The following CYTH1 variants were observed in gnomAD, a reference collection of about 807,000 sequenced individuals.
CYTH1 encodes cytohesin-1.
Under a neutral mutation model 61.8 loss-of-function variants are expected in CYTH1, and 18 were observed. That is an observed-to-expected ratio of 0.29 (90% CI 0.20 to 0.43). The LOEUF is 0.43. Ranked by LOEUF, CYTH1 falls within the 20% of genes least tolerant of loss-of-function variation. The pLI is 1.00. For missense variants in CYTH1, 336 were observed against 510.5 expected (o/e 0.66, Z 3.29); for synonymous variants, 174 against 184.3 (o/e 0.94, Z 0.45).
chr17:78,703,180 G>A (rs1470852612), intron 3 of CYTH1, among the ~76,000 whole-genome samples: 1 of 151,618 alleles, frequency 6.6e-6, no homozygotes, highest in African/African-American at 2.4e-5. Context: ...TTGGGAGGCC[G>A]AGGTGGGTGG....
intron 13 of CYTH1, among the ~76,000 whole-genome samples, chr17:78,678,926 A>G (rs2092729466): frequency 6.6e-6 from 1 of 152,236 alleles, no homozygotes. Context: ...CCTGGCGCCA[A>G]ATCCATCCTC....
intron 1 of CYTH1, among the ~76,000 whole-genome samples, chr17:78,711,761 T>C (rs1050507470): frequency 6.6e-6 from 1 of 152,022 alleles, no homozygotes; most frequent in African/African-American, 2.4e-5. Context: ...AAAGTGTTTT[T>C]TAAACATCTC....
At chr17:78,705,950 T>C (rs1318103599) in intron 3 of CYTH1, among the ~76,000 whole-genome samples, 1 of 152,174 alleles carries the variant, frequency 6.6e-6, no homozygotes, top group East Asian at 1.9e-4. Flanking sequence ...GAATTCTGAA[T>C]ATGTGTGTGC....
chr17:78,720,789 C>T (rs1013482728), intron 1 of CYTH1, among the ~76,000 whole-genome samples: 1 of 152,138 alleles, frequency 6.6e-6, no homozygotes, highest in Non-Finnish European at 1.5e-5. Flanking sequence ...GTGCGAGGAC[C>T]GCGTAAGCCC....
At chr17:78,737,772 C>T (rs2093326505) in intron 1 of CYTH1, among the ~76,000 whole-genome samples, 1 of 151,932 alleles carries the variant, frequency 6.6e-6, no homozygotes, top group South Asian at 2.1e-4. Context: ...AAAAAAAACA[C>T]CTTAATCCTA....
intron 1 of CYTH1, among the ~76,000 whole-genome samples, chr17:78,731,559 A>C (rs1039266709): frequency 6.6e-6 from 1 of 152,116 alleles, no homozygotes; most frequent in African/African-American, 2.4e-5. Context: ...GGAGATCGAG[A>C]CCATCCTAGC....
chr17:78,701,781 A>G (rs750106508), intron 5 of CYTH1, 30 bp from the exon 6 acceptor site: 2 of 1,608,258 alleles, frequency 1.2e-6, no homozygotes, highest in Middle Eastern at 1.7e-4. Flanking sequence ...AATGGGAGAG[A>G]AAGCAGGAGT....
intron 1 of CYTH1, among the ~76,000 whole-genome samples, chr17:78,728,727 G>C (rs1416235173): frequency 6.6e-6 from 1 of 152,144 alleles, no homozygotes; most frequent in African/African-American, 2.4e-5. Flanking sequence ...TTTGGTAATT[G>C]AAACTGCAAC....
intron 3 of CYTH1, among the ~76,000 whole-genome samples, chr17:78,705,266 G>A (rs2093053432): frequency 1.3e-5 from 2 of 152,166 alleles, no homozygotes; most frequent in Admixed American, 6.5e-5. Flanking sequence ...TGTGCCACAT[G>A]ACTGCCTGGG....
intron 1 of CYTH1, among the ~76,000 whole-genome samples, chr17:78,720,601 G>C (rs180696925): frequency 1.3e-5 from 2 of 152,252 alleles, no homozygotes; most frequent in African/African-American, 4.8e-5. Flanking sequence ...TTACAGGCGT[G>C]AGCCATCGCA....
chr17:78,689,742 T>C (rs2092858017), intron 11 of CYTH1, among the ~76,000 whole-genome samples: 1 of 152,200 alleles, frequency 6.6e-6, no homozygotes. Flanking sequence ...CCTTTACTTA[T>C]GTCTATAACG....
At chr17:78,727,057 A>G (rs1490996762) in intron 1 of CYTH1, among the ~76,000 whole-genome samples, 1 of 152,240 alleles carries the variant, frequency 6.6e-6, no homozygotes, top group African/African-American at 2.4e-5. Flanking sequence ...GGCAATGTGC[A>G]TCAATCATTT....
chr17:78,720,411 T>C (rs1393716875), intron 1 of CYTH1, among the ~76,000 whole-genome samples: 1 of 152,128 alleles, frequency 6.6e-6, no homozygotes, highest in African/African-American at 2.4e-5. Context: ...CTCTGCCTCC[T>C]GGGTTCATGC....
intron 1 of CYTH1, among the ~76,000 whole-genome samples, chr17:78,720,985 C>A (rs1012118714): frequency 6.6e-6 from 1 of 152,222 alleles, no homozygotes; most frequent in African/African-American, 2.4e-5. Flanking sequence ...TTGCGTAGTG[C>A]ATTTTAAAAT....
At chr17:78,693,605 AG>A (rs1489732897) in intron 10 of CYTH1, among the ~76,000 whole-genome samples, 1 of 151,156 alleles carries the variant, frequency 6.6e-6, no homozygotes, top group African/African-American at 2.4e-5. Flanking sequence ...TGGGTGACAC[AG>A]GGAGACTCCC....
chr17:78,685,226 G>C (rs1440516340), intron 11 of CYTH1, among the ~76,000 whole-genome samples: 1 of 145,774 alleles, frequency 6.9e-6, no homozygotes, highest in African/African-American at 2.6e-5. Context: ...AAAAAAAAAG[G>C]TTTTACTTAT....
chr17:78,713,865 T>C (rs1454497926), intron 1 of CYTH1, among the ~76,000 whole-genome samples: 1 of 152,142 alleles, frequency 6.6e-6, no homozygotes, highest in Non-Finnish European at 1.5e-5. Context: ...TTTCAGAATC[T>C]GAGCACTCAA....
At chr17:78,775,597 G>C (rs903060800) in intron 1 of CYTH1, among the ~76,000 whole-genome samples, 5 of 152,028 alleles carry the variant, frequency 3.3e-5, no homozygotes, top group Non-Finnish European at 5.9e-5. Context: ...TCCTGCTTTA[G>C]ATAATCAATC....
Position 78,717,434 on chromosome 17 carries a change from G to T in CYTH1, c.23-7702C>A, listed in dbSNP as rs1275704563. ...GGATTAAAGTGACAAAAACAACAAGGCGCTATTGTGCTTGGCTGTGAATAG... is the reference window on the plus strand; with the variant it reads ...GGATTAAAGTGACAAAAACAACAAGTCGCTATTGTGCTTGGCTGTGAATAG... On this transcript the variant is annotated intron_variant, in intron 1 of 13. Coordinates refer to ENST00000446868, the MANE Select transcript of CYTH1 (RefSeq NM_004762.6). The surrounding 1 kb of genome is among the most constrained non-coding windows in gnomAD (Gnocchi z 4.4). 6.6e-6 allele frequency among the ~76,000 whole-genome samples: 1 copy of T among 152,110 alleles called. No homozygotes were observed. Among genetic ancestry groups the T allele is most frequent in the Non-Finnish European group, 1.5e-5 (1 of 68,006 alleles).
Sources: gnomAD v4.1 joint callset for allele counts (sites outside exome capture counted in the v4.1 genomes callset) on GRCh38, gnomAD v4.1.1 for gene constraint, Gnocchi (gnomAD v3.1) non-coding constraint, MANE v1.5 for transcripts, NCBI Gene and HGNC (gene_info 2026-07-23, HGNC 2026-07-21) for gene names.